CPA6: variants seen among roughly 807,000 people sequenced by gnomAD.
CPA6 encodes the protein carboxypeptidase A6, also known as carboxypeptidase B.
CPA6 carries 58 observed loss-of-function variants against 63.3 expected under a neutral mutation model. The observed-to-expected ratio is 0.92, with a 90% CI of 0.74 to 1.14. The LOEUF is 1.14. Among genes scored for constraint, CPA6 ranks in the 50% most tolerant of loss-of-function variants. CPA6 has a pLI of 0.00. For synonymous variants in CPA6, 185 were observed against 179.0 expected (o/e 1.03, Z -0.27); for missense variants, 565 against 526.6 (o/e 1.07, Z -0.71).
chr8:67,653,257 GT>G (rs1202099435), intron 1 of CPA6, among the ~76,000 whole-genome samples: 4 of 152,146 alleles, frequency 2.6e-5, no homozygotes, highest in South Asian at 2.1e-4. Flanking sequence ...CTTTAAAGTA[GT>G]TTTTTTCCAA....
rs910377340 is a variant in CPA6, at chr8:67,429,762, T to C, written c.1042-1631A>G. 3.9e-5 allele frequency: 6 copies of C among 152,262 alleles called. No homozygotes were observed. The South Asian group carries it at 8.3e-4, about 21-fold the overall frequency. 9.4% of individuals were successfully genotyped at this position (152,262 alleles called of 1,614,324 possible). A position where few individuals can be genotyped will look rare whatever the true frequency, so the allele number is the denominator to read the frequency against. ...TCAGAAGATTATTTCATTCTGCTAG[T>C]AAGGGAACTTTGCTTCTCATTATTT... On this transcript the variant is annotated intron_variant, in intron 9 of 10. Transcript: ENST00000297770.
intron 8 of CPA6, among the ~76,000 whole-genome samples, chr8:67,446,777 G>A (rs1326241301): frequency 1.3e-5 from 2 of 152,030 alleles, no homozygotes; most frequent in African/African-American, 2.4e-5. Flanking sequence ...TTTAAAAATT[G>A]TCATCTTTTA....
intron 6 of CPA6, among the ~76,000 whole-genome samples, chr8:67,489,996 T>C (rs1251509393): frequency 6.6e-6 from 1 of 152,166 alleles, no homozygotes; most frequent in Non-Finnish European, 1.5e-5. Context: ...AGGGTGTCAT[T>C]GTATTGCATA....
chr8:67,593,234 A>G (rs1814186860), intron 2 of CPA6, among the ~76,000 whole-genome samples: 1 of 150,756 alleles, frequency 6.6e-6, no homozygotes, highest in Admixed American at 6.6e-5. Flanking sequence ...GTTTGATTGC[A>G]CTGTGGTCTG....
chr8:67,713,099 G>GTGTATATATA (rs1328463977), intron 1 of CPA6, among the ~76,000 whole-genome samples: 11 of 55,034 alleles, frequency 2.0e-4, no homozygotes, highest in Middle Eastern at 0.019. Flanking sequence ...GTGTGTGTGT[G>GTGTATATATA]TATATATATA....
chr8:67,744,864 T>C (rs1453477923), intron 1 of CPA6, among the ~76,000 whole-genome samples: 2 of 152,140 alleles, frequency 1.3e-5, no homozygotes, highest in Non-Finnish European at 2.9e-5. Flanking sequence ...CTATAGCCCC[T>C]ACCTCAGCCA....
In CPA6 at chr8:67,434,018, G is replaced by A. The variant is rs1810086985; in HGVS notation, c.1041+20C>T. On this transcript the variant is annotated intron_variant, in intron 9 of 10. Coordinates refer to ENST00000297770, the MANE Select transcript of CPA6 (RefSeq NM_020361.5). The stretch of plus-strand genomic sequence containing the variant: ...AAGCAGCATGAAGCCTGATGTACAT[G>A]CACAGGGTCAAATACTTACCACACA... The A allele has an allele frequency of 7.0e-6, 11 of 1,571,772 alleles. No homozygotes were observed. The highest frequency in any genetic ancestry group is 9.6e-6 in the Non-Finnish European group (11 of 1,143,428).
intron 1 of CPA6, among the ~76,000 whole-genome samples, chr8:67,645,378 T>C (rs1375330173): frequency 6.6e-6 from 1 of 152,088 alleles, no homozygotes; most frequent in Non-Finnish European, 1.5e-5. Flanking sequence ...AGAGAATCGG[T>C]AAAAAAATGT....
chr8:67,423,932 T>C (rs1056553457), intron 10 of CPA6, among the ~76,000 whole-genome samples: 2 of 152,192 alleles, frequency 1.3e-5, no homozygotes, highest in African/African-American at 4.8e-5. Context: ...GAGTGGTGGG[T>C]GAGCCAGTGA....
At chr8:67,530,870 A>G (rs1226291000) in intron 2 of CPA6, among the ~76,000 whole-genome samples, 1 of 152,088 alleles carries the variant, frequency 6.6e-6, no homozygotes, top group South Asian at 2.1e-4. Flanking sequence ...TAAATGCAAA[A>G]CCTCTCCAGA....
chr8:67,647,376 A>C (rs1313104452), intron 1 of CPA6, among the ~76,000 whole-genome samples: 2 of 151,132 alleles, frequency 1.3e-5, no homozygotes, highest in Non-Finnish European at 2.9e-5. Context: ...GGGCCTCACT[A>C]TGTTGCCCAG....
At chr8:67,457,025 C>T (rs1038447370) in intron 8 of CPA6, among the ~76,000 whole-genome samples, 1 of 152,242 alleles carries the variant, frequency 6.6e-6, no homozygotes, top group African/African-American at 2.4e-5. Context: ...GGAGTGTGGC[C>T]TTGCCACGCC....
At chr8:67,615,544 G>A (rs1189478291) in intron 2 of CPA6, among the ~76,000 whole-genome samples, 2 of 152,162 alleles carry the variant, frequency 1.3e-5, no homozygotes, top group East Asian at 3.8e-4. Context: ...AACCAGAGGG[G>A]TGGGTCAAAA....
At chr8:67,544,260 C>T (rs1017946393) in intron 2 of CPA6, among the ~76,000 whole-genome samples, 1 of 152,208 alleles carries the variant, frequency 6.6e-6, no homozygotes, top group African/African-American at 2.4e-5. Flanking sequence ...CCTACCTAAT[C>T]CTAAGAGCAG....
intron 1 of CPA6, among the ~76,000 whole-genome samples, chr8:67,680,725 TACTC>T (rs1218972330): frequency 6.6e-6 from 1 of 152,236 alleles, no homozygotes; most frequent in Non-Finnish European, 1.5e-5. Flanking sequence ...ACATGTCTAA[TACTC>T]AGTTCTTTAC....
intron 2 of CPA6, among the ~76,000 whole-genome samples, chr8:67,622,493 T>G (rs545053653): frequency 4.8e-4 from 73 of 152,272 alleles, no homozygotes; most frequent in African/African-American, 1.7e-3. Flanking sequence ...GGATGGGTTC[T>G]TGCATCCTCA....
chr8:67,488,334 G>C (rs570955540), intron 6 of CPA6, among the ~76,000 whole-genome samples: 30 of 152,226 alleles, frequency 2.0e-4, no homozygotes, highest in Middle Eastern at 3.4e-3. Context: ...GCTTGTTTTT[G>C]TCAGGTTTGT....
At chr8:67,635,058 T>A (rs999310962) in intron 1 of CPA6, among the ~76,000 whole-genome samples, 3 of 151,392 alleles carry the variant, frequency 2.0e-5, no homozygotes, top group South Asian at 2.1e-4. Flanking sequence ...TGCTATTTTT[T>A]AAAAAAAATT....
intron 8 of CPA6, among the ~76,000 whole-genome samples, chr8:67,439,677 TAA>T (rs1810246445): frequency 6.6e-6 from 1 of 151,700 alleles, no homozygotes; most frequent in Non-Finnish European, 1.5e-5. Flanking sequence ...ACGGCAGAAA[TAA>T]GTCTTAAAGT....
Sources: allele counts gnomAD v4.1 joint callset (sites outside exome capture counted in the v4.1 genomes callset), GRCh38; gene constraint gnomAD v4.1.1; transcripts MANE v1.5; gene names NCBI Gene and HGNC (gene_info 2026-07-23, HGNC 2026-07-21).